DPP10: variants seen among roughly 807,000 people sequenced by gnomAD.
DPP10 encodes the protein dipeptidyl peptidase like 10, also known as inactive dipeptidyl peptidase 10.
Under a neutral mutation model 120.9 loss-of-function variants are expected in DPP10, and 33 were observed. That is an observed-to-expected ratio of 0.27 (90% CI 0.21 to 0.37). The LOEUF is 0.37. Ranked by LOEUF, DPP10 falls within the 10% of genes least tolerant of loss-of-function variation. The pLI, the probability that DPP10 is intolerant of heterozygous loss-of-function variation, is 1.00. For missense variants in DPP10, 816 were observed against 942.8 expected, an observed-to-expected ratio of 0.87 and a Z score of 1.76; for synonymous variants, 337 against 326.1, an observed-to-expected ratio of 1.03 and a Z score of -0.36.
In DPP10 at chr2:115,205,693, G is replaced by A. The variant is rs181546843; in HGVS notation, c.61-103546G>A. On this transcript the variant is annotated intron_variant, in intron 1 of 25. Coordinates refer to ENST00000410059, the MANE Select transcript of DPP10 (RefSeq NM_020868.6). Reference sequence around the variant, plus strand: ...ACATATACACCATAGAATATTATGCGGCCGTAAAAAAGAATGAAATCATGT... The same window carrying A: ...ACATATACACCATAGAATATTATGCAGCCGTAAAAAAGAATGAAATCATGT... Among the ~76,000 whole-genome samples, 10 of 152,178 alleles carry A rather than the reference G, an allele frequency of 6.6e-5. No individual in the cohort carries two copies. The East Asian group carries it at 9.7e-4, about 15-fold the overall frequency.
chr2:115,369,371 T>C (rs1372947085), intron 3 of DPP10, among the ~76,000 whole-genome samples: 2 of 152,120 alleles, frequency 1.3e-5, no homozygotes, highest in Non-Finnish European at 2.9e-5. Flanking sequence ...GCTTTATGTA[T>C]AATTAAATAG....
chr2:115,699,016 T>G (rs1473344188), intron 7 of DPP10, among the ~76,000 whole-genome samples: 2 of 85,208 alleles, frequency 2.3e-5, no homozygotes, highest in Non-Finnish European at 5.2e-5. Flanking sequence ...TTTAGTTAGC[T>G]TGACTGAAAA....
chr2:114,597,348 C>T (rs562488993), intron 1 of DPP10, among the ~76,000 whole-genome samples: 1 of 151,904 alleles, frequency 6.6e-6, no homozygotes, highest in South Asian at 2.1e-4. Flanking sequence ...TGGATTTTTC[C>T]ATGTAAGTTA....
intron 7 of DPP10, among the ~76,000 whole-genome samples, chr2:115,702,892 C>G (rs2091949675): frequency 6.6e-6 from 1 of 151,958 alleles, no homozygotes; most frequent in Middle Eastern, 3.2e-3. Context: ...ACTGGTAAGT[C>G]CTACAACAGT....
At chr2:115,018,842 C>T (rs1446657067) in intron 1 of DPP10, among the ~76,000 whole-genome samples, 2 of 152,180 alleles carry the variant, frequency 1.3e-5, no homozygotes, top group South Asian at 2.1e-4. Flanking sequence ...GCACGTGTAT[C>T]CCAGAACTTA....
chr2:115,542,022 G>C (rs754473867), intron 5 of DPP10, among the ~76,000 whole-genome samples: 8 of 151,864 alleles, frequency 5.3e-5, no homozygotes, highest in Non-Finnish European at 8.8e-5. Context: ...CATACAAATA[G>C]TGCATTATCA....
intron 1 of DPP10, among the ~76,000 whole-genome samples, chr2:114,948,493 C>A (rs1401758): frequency 0.99 from 150,161 of 152,278 alleles, 74,066 homozygotes; most frequent in Non-Finnish European, 1. Flanking sequence ...GTCACTTATA[C>A]TCCTCTCAAT....
chr2:115,279,700 C>G (rs1318994601), intron 1 of DPP10, among the ~76,000 whole-genome samples: 2 of 66,278 alleles, frequency 3.0e-5, no homozygotes, highest in Non-Finnish European at 5.5e-5. Flanking sequence ...GGATTTCTGT[C>G]GCCCAGGCTG....
intron 5 of DPP10, among the ~76,000 whole-genome samples, chr2:115,636,170 C>T (rs1379452595): frequency 1.4e-5 from 2 of 148,026 alleles, no homozygotes; most frequent in Non-Finnish European, 3.0e-5. Context: ...AAAAAACAGA[C>T]AAATCTATGA....
intron 1 of DPP10, among the ~76,000 whole-genome samples, chr2:114,536,227 A>G (rs919896612): frequency 3.9e-5 from 6 of 151,912 alleles, no homozygotes; most frequent in Admixed American, 1.3e-4. Context: ...AATGTTTCCT[A>G]CTGTGAGAAT....
intron 1 of DPP10, among the ~76,000 whole-genome samples, chr2:115,275,448 A>T (rs1304167034): frequency 1.3e-5 from 2 of 152,196 alleles, no homozygotes; most frequent in Non-Finnish European, 2.9e-5. Context: ...ACGTTGCAAA[A>T]ATCTTTGAGG....
intron 7 of DPP10, among the ~76,000 whole-genome samples, chr2:115,721,530 A>T (rs1187692336): frequency 6.6e-6 from 1 of 152,182 alleles, no homozygotes; most frequent in African/African-American, 2.4e-5. Flanking sequence ...TATAGTGACT[A>T]ATCATCAGGG....
rs866958969 is a variant in DPP10, at chr2:114,770,631, T to C, written c.60+327793T>C. On this transcript the variant is annotated intron_variant, in intron 1 of 25. Transcript: ENST00000410059. Reference sequence around the variant, plus strand: ...AAATAAACACTAAAGGAAGACATGATACTTGCACATTTGTATAACTGGGGT... The same window carrying C: ...AAATAAACACTAAAGGAAGACATGACACTTGCACATTTGTATAACTGGGGT... Among the ~76,000 whole-genome samples, 16 of 152,356 alleles carry C rather than the reference T, an allele frequency of 1.1e-4. 1 individual carries two copies. The highest frequency in any genetic ancestry group is 4.1e-4 in the South Asian group (2 of 4,828).
chr2:114,670,600 C>T (rs951872078), intron 1 of DPP10, among the ~76,000 whole-genome samples: 1 of 152,140 alleles, frequency 6.6e-6, no homozygotes, highest in Non-Finnish European at 1.5e-5. Context: ...TTAATGGGTG[C>T]AGCACACCAG....
intron 1 of DPP10, among the ~76,000 whole-genome samples, chr2:114,638,277 T>C (rs1410206265): frequency 6.6e-6 from 1 of 151,824 alleles, no homozygotes; most frequent in African/African-American, 2.4e-5. Context: ...TGAATCTCAG[T>C]TTGAACATTA....
chr2:114,476,666 G>A (rs972150056), intron 1 of DPP10, among the ~76,000 whole-genome samples: 7 of 152,186 alleles, frequency 4.6e-5, no homozygotes, highest in Non-Finnish European at 2.9e-5. Context: ...AGGAAATAGT[G>A]CGTATGTGTG....
In DPP10 at chr2:115,177,762, T is replaced by TTTTGTTTGTTTG. The variant is rs57710013; in HGVS notation, c.61-131468_61-131457dup. ...TGCTTTTGTTTTGTTTTGTTTTTGT[T>TTTTGTTTGTTTG]TTTGTTTGTTTGTTTGTTTGAGACA... On this transcript the variant is annotated intron_variant, in intron 1 of 25. Transcript: ENST00000410059. Among the ~76,000 whole-genome samples, 1,271 of 150,836 alleles carry TTTTGTTTGTTTG rather than the reference T, an allele frequency of 8.4e-3. 19 individuals are homozygous for TTTTGTTTGTTTG. Among genetic ancestry groups the TTTTGTTTGTTTG allele is most frequent in the African/African-American group, 0.029 (1,172 of 41,024 alleles).
chr2:115,443,560 T>G (rs1405431938), intron 3 of DPP10, among the ~76,000 whole-genome samples: 1 of 152,200 alleles, frequency 6.6e-6, no homozygotes, highest in Non-Finnish European at 1.5e-5. Flanking sequence ...TAGGATATAC[T>G]GTAGGTAAGG....
At chr2:115,325,685 A>G (rs936936276) in intron 2 of DPP10, among the ~76,000 whole-genome samples, 4 of 152,208 alleles carry the variant, frequency 2.6e-5, no homozygotes, top group African/African-American at 7.2e-5. Flanking sequence ...AAACAATTAC[A>G]TATAAATATA....
Sources: allele counts gnomAD v4.1 joint callset (sites outside exome capture counted in the v4.1 genomes callset), GRCh38; gene constraint gnomAD v4.1.1; transcripts MANE v1.5; gene names NCBI Gene and HGNC (gene_info 2026-07-23, HGNC 2026-07-21).